C2CD5: variants seen among roughly 807,000 people sequenced by gnomAD.
C2CD5 encodes C2 domain-containing protein 5.
C2CD5 carries 109 observed loss-of-function variants against 130.3 expected under a neutral mutation model. That is an observed-to-expected ratio of 0.84 (90% CI 0.72 to 0.98). The LOEUF (loss-of-function observed/expected upper bound fraction) is 0.98, where lower values mean the gene tolerates loss of function less well. Among genes scored for constraint, C2CD5 ranks in the 50% least tolerant of loss-of-function variants. C2CD5 has a pLI of 0.00. For missense variants in C2CD5, 996 were observed against 1,261.8 expected (o/e 0.79, Z 3.19); for synonymous variants, 454 against 429.2 (o/e 1.06, Z -0.71).
chr12:22,469,564 C>T, intron 22 of C2CD5, 145 bp downstream of exon 22: 3 of 475,900 alleles, frequency 6.3e-6, no homozygotes, highest in African/African-American at 2.0e-5. Flanking sequence ...TTAATTTCTC[C>T]CCTTTATGAA....
intron 9 of C2CD5, among the ~76,000 whole-genome samples, chr12:22,507,706 GGCTGCAAGATTAATGTA>G (rs1948724626): frequency 6.6e-6 from 1 of 152,166 alleles, no homozygotes; most frequent in African/African-American, 2.4e-5. Context: ...TGACCTGTCT[GGCTGCAAGATTAATGTA>G]GCTCACTTAA....
At chr12:22,469,623 G>A in intron 22 of C2CD5, 86 bp downstream of exon 22, 1 of 698,070 alleles carries the variant, frequency 1.4e-6, no homozygotes. Context: ...TTCACCTCAA[G>A]GTTAGTAAGA....
intron 23 of C2CD5, chr12:22,458,843 T>TCC: frequency 3.8e-6 from 1 of 264,918 alleles, no homozygotes; most frequent in Non-Finnish European, 7.1e-6. Flanking sequence ...AGAGCCTGAG[T>TCC]GGGGTCTAAC....
intron 9 of C2CD5, 149 bp from the exon 10 acceptor site, chr12:22,506,968 TTTAA>T (rs1948623279): frequency 5.3e-6 from 3 of 564,248 alleles, no homozygotes; most frequent in Non-Finnish European, 9.5e-6. Context: ...TAATTAAAAG[TTTAA>T]TTAAATGTTT....
intron 7 of C2CD5, among the ~76,000 whole-genome samples, 198 bp from the exon 8 acceptor site, chr12:22,518,335 A>G (rs1949959151): frequency 6.6e-6 from 1 of 152,178 alleles, no homozygotes; most frequent in East Asian, 1.9e-4. Flanking sequence ...ATCTGCATTG[A>G]AACAGTTAAT....
At chr12:22,540,095 A>G (rs1301547920) in intron 2 of C2CD5, among the ~76,000 whole-genome samples, 1 of 152,184 alleles carries the variant, frequency 6.6e-6, no homozygotes, top group East Asian at 1.9e-4. Context: ...GTCAAGAACT[A>G]CAACCATCAT....
rs757067748 is a variant in C2CD5 at position 22,474,779 on chromosome 12, T to C, written c.2015A>G (p.His672Arg). The C allele has an allele frequency of 1.0e-5, 16 of 1,605,420 alleles. No homozygotes were observed. The highest frequency in any genetic ancestry group is 1.4e-5 in the Non-Finnish European group (16 of 1,176,028). Residue 672 changes from histidine (H) to arginine (R), a missense_variant, in exon 16 of 27, where the codon CAT becomes CGT. Around this residue, in one of 9 missense-constraint regions of C2CD5, gnomAD observed 590 missense variants for 631.4 expected, o/e 0.93. Transcript: ENST00000446597. ...SDEVTELDLS[H>R]GKKDAFVLEI... ...CAAAACAAAAGCATCTTTTTTCCCATGTGAAAGGTCTAATTCTGTAACTTC... is the reference window on the plus strand; with the variant it reads ...CAAAACAAAAGCATCTTTTTTCCCACGTGAAAGGTCTAATTCTGTAACTTC...
At chr12:22,521,823 C>T (rs1950295844) in intron 7 of C2CD5, among the ~76,000 whole-genome samples, 1 of 151,990 alleles carries the variant, frequency 6.6e-6, no homozygotes, top group South Asian at 2.1e-4. Flanking sequence ...AAATGGCTAA[C>T]AAAAAGAATG....
chr12:22,499,780 G>A (rs2136592745), intron 10 of C2CD5, among the ~76,000 whole-genome samples: 1 of 152,288 alleles, frequency 6.6e-6, no homozygotes, highest in African/African-American at 2.4e-5. Flanking sequence ...ACACTCACCT[G>A]CCTGGCATTT....
chr12:22,483,391 T>C (rs957548887), intron 13 of C2CD5, among the ~76,000 whole-genome samples: 2 of 152,018 alleles, frequency 1.3e-5, no homozygotes, highest in Admixed American at 6.6e-5. Flanking sequence ...TCGTGCCACA[T>C]AGGCTACATT....
intron 3 of C2CD5, among the ~76,000 whole-genome samples, chr12:22,530,095 TATATATATATATATATACAC>T (rs1951093004): frequency 9.0e-6 from 1 of 111,204 alleles, no homozygotes; most frequent in Non-Finnish European, 1.8e-5. Flanking sequence ...TATATATATA[TATATATATATATATATACAC>T]ACACACACAC....
At chr12:22,532,628 G>C (rs975371475) in intron 3 of C2CD5, among the ~76,000 whole-genome samples, 1 of 152,124 alleles carries the variant, frequency 6.6e-6, no homozygotes, top group Non-Finnish European at 1.5e-5. Context: ...GAAAGATCAC[G>C]GTCCTAATAT....
At chr12:22,473,745 C>A (rs991377560) in intron 16 of C2CD5, among the ~76,000 whole-genome samples, 2 of 152,076 alleles carry the variant, frequency 1.3e-5, no homozygotes, top group Non-Finnish European at 2.9e-5. Flanking sequence ...GAGGTAGGGG[C>A]CCAAGAATTT....
At chr12:22,522,718 T>C (rs1024987649) in intron 7 of C2CD5, among the ~76,000 whole-genome samples, 2 of 152,184 alleles carry the variant, frequency 1.3e-5, no homozygotes, top group African/African-American at 2.4e-5. Flanking sequence ...AGTTTAACAC[T>C]TCTGCACAAA....
At chr12:22,508,483 T>C (rs1168420803) in intron 9 of C2CD5, among the ~76,000 whole-genome samples, 1 of 152,212 alleles carries the variant, frequency 6.6e-6, no homozygotes, top group Non-Finnish European at 1.5e-5. Context: ...TAATAAAAAT[T>C]GTACAAACTA....
At chr12:22,455,200 G>A (rs1036741424) in intron 25 of C2CD5, among the ~76,000 whole-genome samples, 1 of 152,144 alleles carries the variant, frequency 6.6e-6, no homozygotes, top group Admixed American at 6.6e-5. Flanking sequence ...GCTTCAGCCT[G>A]CCTCCAACTC....
intron 3 of C2CD5, among the ~76,000 whole-genome samples, chr12:22,533,689 A>C (rs1034776749): frequency 6.6e-6 from 1 of 152,184 alleles, no homozygotes; most frequent in African/African-American, 2.4e-5. Context: ...AGTGGGAAGA[A>C]GGGAGGAATG....
chr12:22,455,876 G>T (rs562941508), intron 25 of C2CD5, among the ~76,000 whole-genome samples: 1 of 152,118 alleles, frequency 6.6e-6, no homozygotes, highest in African/African-American at 2.4e-5. Context: ...GTAGAGAAGG[G>T]GTTTCGTCAT....
intron 7 of C2CD5, chr12:22,519,386 T>C: frequency 5.4e-6 from 3 of 558,858 alleles, no homozygotes; most frequent in Admixed American, 7.1e-5. Flanking sequence ...CAAGTTGAAA[T>C]TGAAAAATAG....
Sources: allele counts gnomAD v4.1 joint callset (sites outside exome capture counted in the v4.1 genomes callset), GRCh38; gene constraint gnomAD v4.1.1; regional missense constraint gnomAD v4.1.1; transcripts MANE v1.5; gene names NCBI Gene and HGNC (gene_info 2026-07-23, HGNC 2026-07-21).